Variants in DCPH1 observed in about 807,000 individuals in gnomAD.
DCPH1 encodes the protein damage control phosphatase 1, also known as damage-control phosphatase 1.
At chr6:151,457,848 C>CA in the DCPH1 span, among the ~76,000 whole-genome samples, 1 of 151,864 alleles carries the variant, frequency 6.6e-6, no homozygotes, top group Non-Finnish European at 1.5e-5. Flanking sequence ...CATTTGTCCC[C>CA]ACTCCAATTG....
chr6:151,453,189 A>G, the DCPH1 span, among the ~76,000 whole-genome samples: 4 of 152,214 alleles, frequency 2.6e-5, no homozygotes, highest in East Asian at 3.8e-4. Context: ...AGTGGCGCCA[A>G]TGGCCCCAAA....
the DCPH1 span, among the ~76,000 whole-genome samples, chr6:151,455,300 A>G: frequency 2.6e-5 from 4 of 152,354 alleles, no homozygotes; most frequent in Admixed American, 2.0e-4. Context: ...GAGACAAAGT[A>G]TAGAGAAAGA....
the DCPH1 span, among the ~76,000 whole-genome samples, chr6:151,460,117 T>G: frequency 6.6e-6 from 1 of 152,070 alleles, no homozygotes; most frequent in African/African-American, 2.4e-5. Flanking sequence ...TCTCGCTCTG[T>G]CGCCCAGGCT....
At chr6:151,465,007 C>T in the DCPH1 span, among the ~76,000 whole-genome samples, 1 of 152,098 alleles carries the variant, frequency 6.6e-6, no homozygotes, top group African/African-American at 2.4e-5. Flanking sequence ...TTTCTCTGGG[C>T]CTCAGTTTCC....
chr6:151,468,658 A>G, the DCPH1 span: 1 of 1,613,866 alleles, frequency 6.2e-7, no homozygotes, highest in South Asian at 1.1e-5. Context: ...TGTTTCTGAT[A>G]CTACTATACA....
the DCPH1 span, among the ~76,000 whole-genome samples, chr6:151,461,741 G>A: frequency 6.6e-6 from 1 of 152,202 alleles, no homozygotes; most frequent in Non-Finnish European, 1.5e-5. Flanking sequence ...TATCTGGGGT[G>A]GGGCCTGGGT....
At chr6:151,452,822 A>G in the DCPH1 span, 107 of 471,332 alleles carry the variant, frequency 2.3e-4, no homozygotes, top group Non-Finnish European at 3.8e-4. Flanking sequence ...GACAGGGGTC[A>G]GCTTCGCGGT....
At chr6:151,468,832 C>G in the DCPH1 span, 8 of 1,614,182 alleles carry the variant, frequency 5.0e-6, no homozygotes, top group Non-Finnish European at 6.8e-6. Context: ...TCAGGTTGCA[C>G]CTGACTTATA....
the DCPH1 span, among the ~76,000 whole-genome samples, chr6:151,455,414 G>A: frequency 1.3e-5 from 2 of 152,254 alleles, no homozygotes; most frequent in Admixed American, 1.3e-4. Context: ...CTCCGAGAGA[G>A]GGATGTGTCA....
At chr6:151,457,577 A>T in the DCPH1 span, among the ~76,000 whole-genome samples, 1 of 152,166 alleles carries the variant, frequency 6.6e-6, no homozygotes, top group Non-Finnish European at 1.5e-5. Context: ...TTTTTCTAGC[A>T]GCAAAATAAA....
chr6:151,452,748 C>T, the DCPH1 span: 61 of 686,450 alleles, frequency 8.9e-5, no homozygotes, highest in African/African-American at 1.1e-3. Flanking sequence ...CGGACTGGCT[C>T]GGAGGCGAAG....
At chr6:151,457,901 A>G in the DCPH1 span, among the ~76,000 whole-genome samples, 3 of 152,288 alleles carry the variant, frequency 2.0e-5, no homozygotes, top group Middle Eastern at 3.4e-3. Context: ...GTTTGTCAGC[A>G]TATGTCATCT....
the DCPH1 span, among the ~76,000 whole-genome samples, chr6:151,457,332 T>G: frequency 6.6e-6 from 1 of 152,202 alleles, no homozygotes. Flanking sequence ...TTCAAGTAAG[T>G]GAACAAAGTG....
the DCPH1 span, chr6:151,468,301 A>C: frequency 7.1e-7 from 1 of 1,411,414 alleles, no homozygotes. Flanking sequence ...TTTGTTGGCT[A>C]TTCAGAAGAA....
At chr6:151,462,792 T>C in the DCPH1 span, among the ~76,000 whole-genome samples, 3 of 152,234 alleles carry the variant, frequency 2.0e-5, no homozygotes, top group East Asian at 5.8e-4. Context: ...TATATAGTTA[T>C]GTGAGTTTAC....
the DCPH1 span, among the ~76,000 whole-genome samples, chr6:151,453,982 A>AGG: frequency 6.6e-6 from 1 of 152,336 alleles, no homozygotes; most frequent in Non-Finnish European, 1.5e-5. Context: ...ATAGGATGGA[A>AGG]GGAGTCCATT....
At chr6:151,454,582 C>T in the DCPH1 span, 1 of 1,569,572 alleles carries the variant, frequency 6.4e-7, no homozygotes, top group African/African-American at 1.4e-5. Flanking sequence ...AGACAGAATA[C>T]CACAGATCTT....
chr6:151,461,946 A>C, the DCPH1 span, among the ~76,000 whole-genome samples: 3 of 152,192 alleles, frequency 2.0e-5, no homozygotes, highest in Non-Finnish European at 2.9e-5. Context: ...CCAGCACTGA[A>C]GTAATTCTTA....
At chr6:151,468,900 G>C in the DCPH1 span, 1 of 1,614,050 alleles carries the variant, frequency 6.2e-7, no homozygotes. Context: ...ATTACAGGAA[G>C]TTGACAGGTG....
Sources: gnomAD v4.1 joint callset for allele counts (sites outside exome capture counted in the v4.1 genomes callset) on GRCh38, gnomAD v4.1.1 for gene constraint, MANE v1.5 for transcripts, NCBI Gene and HGNC (gene_info 2026-07-23, HGNC 2026-07-21) for gene names.